Variants in AGTPBP1 observed in about 807,000 individuals in gnomAD.
The protein encoded by AGTPBP1 is cytosolic carboxypeptidase 1.
Under a neutral mutation model 143.9 loss-of-function variants are expected in AGTPBP1, and 70 were observed. That is an observed-to-expected ratio of 0.49 (90% CI 0.40 to 0.59). The LOEUF (loss-of-function observed/expected upper bound fraction) is 0.59, where lower values mean the gene tolerates loss of function less well. Ranked by LOEUF, AGTPBP1 falls within the 20% of genes least tolerant of loss-of-function variation. The pLI is 0.00. For missense variants in AGTPBP1, 1,229 were observed against 1,464.5 expected, an observed-to-expected ratio of 0.84 and a Z score of 2.62; for synonymous variants, 463 against 500.2, an observed-to-expected ratio of 0.93 and a Z score of 0.99.
At chr9:85,581,662 A>G (rs796484890) in intron 23 of AGTPBP1, among the ~76,000 whole-genome samples, 9 of 152,342 alleles carry the variant, frequency 5.9e-5, no homozygotes, top group African/African-American at 2.2e-4. Flanking sequence ...TCTACTATCC[A>G]CAATATTTAC....
At chr9:85,778,116 C>G in the AGTPBP1 span, among the ~76,000 whole-genome samples, 1 of 152,208 alleles carries the variant, frequency 6.6e-6, no homozygotes, top group Admixed American at 6.5e-5. Context: ...GTGCCACTTT[C>G]TCATGTAACT....
chr9:85,633,230 A>C lies in AGTPBP1; in HGVS notation c.1447T>G (p.Ser483Ala), dbSNP rs201575253. 1.8e-4 allele frequency: 297 copies of C among 1,613,948 alleles called. 4 individuals are homozygous for C. In the South Asian group the frequency reaches 3.0e-3, roughly 16 times the overall value. The change falls in exon 14 of 26, where the codon TCT (serine) becomes GCT (alanine). Residue 483 changes from serine (S) to alanine (A), a missense_variant. Coordinates refer to ENST00000357081, the MANE Select transcript of AGTPBP1 (RefSeq NM_001330701.2). ...TTCTTTTCACCTTCATCTCCTTTAGAAGATATGTTCTCCTTCATTACAACT... is the reference window on the plus strand; with the variant it reads ...TTCTTTTCACCTTCATCTCCTTTAGCAGATATGTTCTCCTTCATTACAACT... The part of the protein sequence containing the change: ...RKVVMKENIS[S>A]KGDEGEKKST...
At chr9:85,693,577 G>A (rs1342688071) in intron 2 of AGTPBP1, among the ~76,000 whole-genome samples, 4 of 152,236 alleles carry the variant, frequency 2.6e-5, no homozygotes, top group East Asian at 1.9e-4. Flanking sequence ...CAGCCTGGGC[G>A]ACAGAGCAAG....
At chr9:85,759,495 A>C in the AGTPBP1 span, among the ~76,000 whole-genome samples, 2 of 152,050 alleles carry the variant, frequency 1.3e-5, no homozygotes, top group Non-Finnish European at 2.9e-5. Flanking sequence ...CTACATGGAA[A>C]CTGAACAACC....
chr9:85,767,970 G>A, the AGTPBP1 span, among the ~76,000 whole-genome samples: 1 of 152,074 alleles, frequency 6.6e-6, no homozygotes, highest in Non-Finnish European at 1.5e-5. Flanking sequence ...GAGCTCCTGG[G>A]TACACATTAA....
chr9:85,802,060 A>G, the AGTPBP1 span, among the ~76,000 whole-genome samples: 2 of 152,200 alleles, frequency 1.3e-5, no homozygotes, highest in East Asian at 3.9e-4. Flanking sequence ...TGGTACCTCA[A>G]TTATCCATTC....
At chr9:85,643,971 G>T (rs145934675) in intron 12 of AGTPBP1, among the ~76,000 whole-genome samples, 114 of 151,748 alleles carry the variant, frequency 7.5e-4, no homozygotes, top group African/African-American at 2.7e-3. Flanking sequence ...TTATTTTTCA[G>T]CCTAATTTAC....
chr9:85,644,295 T>C (rs1336464660), intron 12 of AGTPBP1, among the ~76,000 whole-genome samples: 3 of 151,948 alleles, frequency 2.0e-5, no homozygotes, highest in African/African-American at 7.2e-5. Flanking sequence ...GTAATAATTT[T>C]CTTAACATCT....
the AGTPBP1 span, among the ~76,000 whole-genome samples, chr9:85,768,814 G>T: frequency 6.6e-6 from 1 of 151,746 alleles, no homozygotes. Context: ...TTGGGAGGCT[G>T]AGGCAGGGAG....
chr9:85,765,524 A>T, the AGTPBP1 span, among the ~76,000 whole-genome samples: 51 of 152,234 alleles, frequency 3.4e-4, no homozygotes, highest in African/African-American at 9.9e-4. Context: ...ATAGTTTTTT[A>T]AAACTATGTA....
chr9:85,567,547 G>A (rs1053133872), intron 25 of AGTPBP1, among the ~76,000 whole-genome samples: 11 of 152,282 alleles, frequency 7.2e-5, no homozygotes, highest in South Asian at 2.1e-4. Flanking sequence ...AGTCGAGATC[G>A]CGCCACTGTA....
intron 1 of AGTPBP1, among the ~76,000 whole-genome samples, chr9:85,725,276 CTTT>C (rs1838395745): frequency 6.6e-6 from 1 of 151,928 alleles, no homozygotes; most frequent in Non-Finnish European, 1.5e-5. Flanking sequence ...TGCTTGAGTT[CTTT>C]GAGAGATCAG....
the AGTPBP1 span, among the ~76,000 whole-genome samples, chr9:85,762,312 A>C: frequency 6.6e-6 from 1 of 152,236 alleles, no homozygotes; most frequent in Admixed American, 6.5e-5. Context: ...CTATAAAGAC[A>C]CATGCACACA....
At chr9:85,727,054 G>T (rs576738893) in intron 1 of AGTPBP1, among the ~76,000 whole-genome samples, 1 of 152,176 alleles carries the variant, frequency 6.6e-6, no homozygotes, top group Non-Finnish European at 1.5e-5. Flanking sequence ...ATTCGGCCGG[G>T]TGTGGTGGCT....
At chr9:85,773,278 A>G in the AGTPBP1 span, among the ~76,000 whole-genome samples, 1 of 148,282 alleles carries the variant, frequency 6.7e-6, no homozygotes, top group African/African-American at 2.5e-5. Flanking sequence ...AAAAAAAAAA[A>G]AAAAAAAAGA....
the AGTPBP1 span, among the ~76,000 whole-genome samples, chr9:85,777,187 C>A: frequency 1.9e-4 from 29 of 152,128 alleles, no homozygotes; most frequent in Non-Finnish European, 1.5e-4. Context: ...GTGTGGAATA[C>A]CATGACAGTG....
chr9:85,682,224 G>A (rs1835235385), intron 3 of AGTPBP1, among the ~76,000 whole-genome samples: 1 of 147,306 alleles, frequency 6.8e-6, no homozygotes, highest in African/African-American at 2.5e-5. Context: ...TTAGGTGAAG[G>A]TTTCTAGAGC....
intron 11 of AGTPBP1, among the ~76,000 whole-genome samples, chr9:85,648,509 T>C (rs1221192890): frequency 6.6e-6 from 1 of 151,810 alleles, no homozygotes; most frequent in Non-Finnish European, 1.5e-5. Flanking sequence ...AAATAACTCC[T>C]AGGAAAAAAG....
At chr9:85,709,603 A>G (rs949905884) in intron 2 of AGTPBP1, among the ~76,000 whole-genome samples, 1 of 152,232 alleles carries the variant, frequency 6.6e-6, no homozygotes, top group African/African-American at 2.4e-5. Context: ...AACAGATTCT[A>G]TACTGTTGTA....
Sources: allele counts gnomAD v4.1 joint callset (sites outside exome capture counted in the v4.1 genomes callset), GRCh38; gene constraint gnomAD v4.1.1; transcripts MANE v1.5; gene names NCBI Gene and HGNC (gene_info 2026-07-23, HGNC 2026-07-21).